ANP32B: variants seen among roughly 807,000 people sequenced by gnomAD.
ANP32B encodes acidic leucine-rich nuclear phosphoprotein 32 family member B.
In ANP32B, 6 loss-of-function variants were observed where a neutral mutation model predicts 32.2. The observed-to-expected ratio is 0.19, with a 90% CI of 0.10 to 0.37. The LOEUF is 0.37. Ranked by LOEUF, ANP32B falls within the 10% of genes least tolerant of loss-of-function variation. The probability of loss-of-function intolerance (pLI) is 1.00; values close to 1 mark genes in which losing one functional copy is unlikely to be tolerated. For synonymous variants in ANP32B, 98 were observed against 105.8 expected, an observed-to-expected ratio of 0.93 and a Z score of 0.45; for missense variants, 204 against 289.2, an observed-to-expected ratio of 0.71 and a Z score of 2.14.
chr9:97,991,992 T>C (rs76531525), intron 1 of ANP32B, among the ~76,000 whole-genome samples: 232 of 152,352 alleles, frequency 1.5e-3, no homozygotes, highest in African/African-American at 5.2e-3. Context: ...ACCGTTTTTT[T>C]CCTCATTCCG....
In ANP32B at chr9:97,983,574, A is replaced by C; in HGVS notation, c.19A>C (p.Ile7Leu). 1 of 1,587,332 alleles carries C rather than the reference A, an allele frequency of 6.3e-7. No homozygotes were observed. The highest frequency in any genetic ancestry group is 1.2e-5 in the South Asian group (1 of 86,910). The change falls in exon 1 of 7, where the codon ATC becomes CTC. Residue 7 changes from isoleucine (I) to leucine (L), a missense_variant. Coordinates refer to ENST00000339399, the MANE Select transcript of ANP32B (RefSeq NM_006401.3). MDMKRR[I>L]HLELRNRTPA... Reference sequence around the variant, plus strand: ...GGGGAACATGGACATGAAGAGGAGGATCCACCTGGAGCTGAGGAACCGGAC... The same window carrying C: ...GGGGAACATGGACATGAAGAGGAGGCTCCACCTGGAGCTGAGGAACCGGAC...
intron 3 of ANP32B, among the ~76,000 whole-genome samples, chr9:98,003,508 C>A (rs1828028329): frequency 6.6e-6 from 1 of 152,142 alleles, no homozygotes; most frequent in Admixed American, 6.5e-5. Flanking sequence ...GCTTATTTTA[C>A]AAAAACAAGT....
At chr9:97,986,990 A>G (rs954132863) in intron 1 of ANP32B, among the ~76,000 whole-genome samples, 1 of 152,180 alleles carries the variant, frequency 6.6e-6, no homozygotes, top group Admixed American at 6.5e-5. Context: ...GGTTTGAAGA[A>G]GACCCTAGTA....
intron 1 of ANP32B, among the ~76,000 whole-genome samples, chr9:97,985,612 TACAC>T (rs1827713341): frequency 6.6e-6 from 1 of 152,214 alleles, no homozygotes; most frequent in Non-Finnish European, 1.5e-5. Context: ...GCAAGAGAAG[TACAC>T]ACGTGGGTCT....
intron 1 of ANP32B, among the ~76,000 whole-genome samples, chr9:97,985,187 C>T (rs569520305): frequency 2.6e-3 from 390 of 152,024 alleles, no homozygotes; most frequent in Non-Finnish European, 4.6e-3. Context: ...CTGGGCTAAG[C>T]GAGCGGCCAG....
intron 4 of ANP32B, among the ~76,000 whole-genome samples, chr9:98,010,302 G>A (rs1828161711): frequency 6.7e-6 from 1 of 149,666 alleles, no homozygotes; most frequent in African/African-American, 2.5e-5. Context: ...TCATAAATAG[G>A]CTAGGTATGG....
intron 1 of ANP32B, among the ~76,000 whole-genome samples, chr9:97,990,874 C>T (rs140142596): frequency 1.5e-5 from 2 of 132,000 alleles, no homozygotes; most frequent in African/African-American, 2.9e-5. Context: ...GGCTGGAGTG[C>T]GGTGGCGCAA....
chr9:98,001,297 T>C (rs1827987741), intron 3 of ANP32B, among the ~76,000 whole-genome samples: 1 of 151,684 alleles, frequency 6.6e-6, no homozygotes, highest in African/African-American at 2.4e-5. Context: ...GTTCACGCCA[T>C]TCTCCTGCCT....
At chr9:98,000,651 C>T (rs1455075377) in intron 3 of ANP32B, among the ~76,000 whole-genome samples, 3 of 152,008 alleles carry the variant, frequency 2.0e-5, no homozygotes, top group African/African-American at 7.3e-5. Flanking sequence ...AGGCTGGGCA[C>T]GGTGGTTCAC....
intron 1 of ANP32B, among the ~76,000 whole-genome samples, chr9:97,992,864 T>C (rs1367312396): frequency 6.6e-6 from 1 of 152,178 alleles, no homozygotes; most frequent in Non-Finnish European, 1.5e-5. Context: ...TTTATAATGT[T>C]CCAAGCCCTA....
Position 97,983,601 on chromosome 9 carries a change from C to A in ANP32B, c.46C>A (p.Pro16Thr). The A allele has an allele frequency of 6.3e-7, 1 of 1,581,064 alleles. No individual in the cohort carries two copies. The highest frequency in any genetic ancestry group is 8.6e-7 in the Non-Finnish European group (1 of 1,164,680). ...RIHLELRNRT[P>T]AAVRELVLDN... ...CCACCTGGAGCTGAGGAACCGGACC[C>A]CGGCAGCTGTAAGCAGAGACCCCTC... Residue 16 changes from proline to threonine, a missense_variant, in exon 1 of 7, where the codon CCG becomes ACG. Coordinates refer to ENST00000339399, the MANE Select transcript of ANP32B (RefSeq NM_006401.3).
intron 4 of ANP32B, among the ~76,000 whole-genome samples, chr9:98,009,110 AGGTAAT>A (rs1055073605): frequency 8.5e-5 from 13 of 152,242 alleles, no homozygotes; most frequent in Non-Finnish European, 1.2e-4. Context: ...GAGTTTTAAA[AGGTAAT>A]GATTTCAAAT....
chr9:97,984,189 C>T (rs950440534), intron 1 of ANP32B, among the ~76,000 whole-genome samples: 2 of 150,472 alleles, frequency 1.3e-5, no homozygotes, highest in East Asian at 2.0e-4. Flanking sequence ...GCGAGAAGCC[C>T]CCTCGGGCGC....
At chr9:97,984,395 C>T (rs964992441) in intron 1 of ANP32B, among the ~76,000 whole-genome samples, 4 of 151,512 alleles carry the variant, frequency 2.6e-5, no homozygotes, top group African/African-American at 9.7e-5. Flanking sequence ...CTTGCCCACT[C>T]CTGCCTCCCA....
At position 97,998,566 on chromosome 9, in the gene ANP32B, G is replaced by A; in HGVS notation, c.215G>A (p.Ser72Asn). Reference protein sequence around the residue: ...KLPKLKKLELSENRIFGGLDM... With the variant: ...KLPKLKKLELNENRIFGGLDM... ...CATTTTCTCTTGCAGCTTGAACTCA[G>A]TGAAAATAGAATCTTTGGAGGTCTG... Residue 72 changes from serine to asparagine, a missense_variant, in exon 3 of 7, where the codon AGT (serine) becomes AAT (asparagine). By Grantham distance (46) the Ser-to-Asn change is conservative. Coordinates refer to ENST00000339399, the MANE Select transcript of ANP32B (RefSeq NM_006401.3). 1 of 1,608,356 alleles carries A rather than the reference G, an allele frequency of 6.2e-7. No homozygotes were observed. The highest frequency in any genetic ancestry group is 8.5e-7 in the Non-Finnish European group (1 of 1,178,270).
intron 4 of ANP32B, among the ~76,000 whole-genome samples, chr9:98,007,885 G>C (rs571512801): frequency 6.6e-6 from 1 of 152,158 alleles, no homozygotes; most frequent in African/African-American, 2.4e-5. Context: ...ACAGAGAAGC[G>C]AGATGGCGTT....
intron 1 of ANP32B, chr9:97,984,515 C>T (rs910160577): frequency 6.6e-6 from 1 of 151,264 alleles, no homozygotes; most frequent in Non-Finnish European, 1.5e-5. Context: ...GGAGGCTGGC[C>T]CCTCCGTGTG....
At position 97,994,833 on chromosome 9, in the gene ANP32B, G is replaced by A. The variant is rs1406153526; in HGVS notation, c.204+53G>A. ...GAGAACGATCCTGGGAAGGGAAAAT[G>A]TATGATTTTACCTGTAAGGAAGCAC... On this transcript the variant is annotated intron_variant, in intron 2 of 6. Coordinates refer to ENST00000339399, the MANE Select transcript of ANP32B (RefSeq NM_006401.3). 1.4e-5 allele frequency: 22 copies of A among 1,519,586 alleles called. No homozygotes were observed. In the East Asian group the frequency reaches 4.8e-4, roughly 33 times the overall value. 94.1% of individuals were successfully genotyped at this position (1,519,586 alleles called of 1,614,324 possible). A position where few individuals can be genotyped will look rare whatever the true frequency, so the allele number is the denominator to read the frequency against.
chr9:97,983,928 G>C (rs367790146), intron 1 of ANP32B, among the ~76,000 whole-genome samples: 8 of 152,044 alleles, frequency 5.3e-5, no homozygotes, highest in South Asian at 4.1e-4. Flanking sequence ...GGGAGGCGGG[G>C]GTTGTGTAAC....
Sources: allele counts gnomAD v4.1 joint callset (sites outside exome capture counted in the v4.1 genomes callset), GRCh38; gene constraint gnomAD v4.1.1; transcripts MANE v1.5; gene names NCBI Gene and HGNC (gene_info 2026-07-23, HGNC 2026-07-21).